The following EEFSEC variants were observed in gnomAD, a reference collection of about 807,000 sequenced individuals.
EEFSEC encodes the protein eukaryotic elongation factor, selenocysteine-tRNA specific.
EEFSEC carries 43 observed loss-of-function variants against 42.1 expected under a neutral mutation model. That is an observed-to-expected ratio of 1.02 (90% CI 0.80 to 1.32). EEFSEC has a LOEUF of 1.32. Ranked by LOEUF, EEFSEC falls within the 40% of genes most tolerant of loss-of-function variation. The probability of loss-of-function intolerance (pLI) is 0.00; values close to 1 mark genes in which losing one functional copy is unlikely to be tolerated. For missense variants in EEFSEC, 745 were observed against 803.6 expected (o/e 0.93, Z 0.88); for synonymous variants, 354 against 339.1 (o/e 1.04, Z -0.48).
At chr3:128,216,480 G>GGTGGC (rs1281439429) in intron 1 of EEFSEC, among the ~76,000 whole-genome samples, 1 of 151,630 alleles carries the variant, frequency 6.6e-6, no homozygotes, top group Non-Finnish European at 1.5e-5. Flanking sequence ...AGTTGGAGCA[G>GGTGGC]GTGGCTCTCC....
chr3:128,237,169 G>C (rs2066021589), intron 1 of EEFSEC, among the ~76,000 whole-genome samples: 2 of 152,172 alleles, frequency 1.3e-5, no homozygotes, highest in Admixed American at 1.3e-4. Context: ...TTTGTATGTA[G>C]TATGCATTTT....
chr3:128,408,621 A>C lies in EEFSEC; in HGVS notation c.*362A>C. 6.2e-5 allele frequency: 12 copies of C among 192,450 alleles called. No individual in the cohort carries two copies. Among genetic ancestry groups the C allele is most frequent in the East Asian group, 2.4e-4 (2 of 8,280 alleles). The allele number at this position is 192,450 out of a possible 1,614,324, so 11.9% of individuals were successfully genotyped here. A position where few individuals can be genotyped will look rare whatever the true frequency, so the allele number is the denominator to read the frequency against. On this transcript the variant is annotated 3_prime_UTR_variant, in exon 7 of 7. Coordinates refer to ENST00000254730, the MANE Select transcript of EEFSEC (RefSeq NM_021937.5). ...GCAGGCACTTGATGGCTACAAATAA[A>C]TGTCCCGTGGCCCCAGCCCACTCTA...
chr3:128,159,280 CT>C (rs1449922909), intron 1 of EEFSEC, among the ~76,000 whole-genome samples: 1 of 152,208 alleles, frequency 6.6e-6, no homozygotes, highest in African/African-American at 2.4e-5. Flanking sequence ...TGGAACCTAA[CT>C]CCGCCACCCC....
chr3:128,374,149 G>C (rs1467132352), intron 6 of EEFSEC, among the ~76,000 whole-genome samples: 3 of 152,236 alleles, frequency 2.0e-5, no homozygotes, highest in Non-Finnish European at 4.4e-5. Flanking sequence ...TGCCCACCCA[G>C]GGTCCAGCAC....
chr3:128,409,908 C>T (rs1163399773), downstream of EEFSEC, among the ~76,000 whole-genome samples: 2 of 152,240 alleles, frequency 1.3e-5, no homozygotes, highest in African/African-American at 4.8e-5. Context: ...TGCCACTTCA[C>T]TGAGGCCACT....
intron 1 of EEFSEC, among the ~76,000 whole-genome samples, chr3:128,202,610 G>T (rs1187018569): frequency 6.6e-6 from 1 of 152,036 alleles, no homozygotes; most frequent in East Asian, 1.9e-4. Flanking sequence ...TTACTTCTTT[G>T]TTTCTACTCT....
chr3:128,250,109 T>C (rs2066169137), intron 2 of EEFSEC, among the ~76,000 whole-genome samples: 1 of 152,186 alleles, frequency 6.6e-6, no homozygotes, highest in Non-Finnish European at 1.5e-5. Context: ...TTTCTGTTGT[T>C]GTTGTTGTTG....
At chr3:128,191,438 C>A (rs1363863410) in intron 1 of EEFSEC, among the ~76,000 whole-genome samples, 4 of 151,984 alleles carry the variant, frequency 2.6e-5, no homozygotes, top group Admixed American at 1.3e-4. Context: ...GCTCACTGTG[C>A]CTGGCCTGGG....
intron 1 of EEFSEC, among the ~76,000 whole-genome samples, chr3:128,161,264 T>C (rs1207661029): frequency 6.6e-6 from 1 of 152,186 alleles, no homozygotes; most frequent in Non-Finnish European, 1.5e-5. Context: ...TAATGTATGT[T>C]TTAAAGACTT....
At chr3:128,195,421 T>G (rs1462898125) in intron 1 of EEFSEC, among the ~76,000 whole-genome samples, 1 of 152,202 alleles carries the variant, frequency 6.6e-6, no homozygotes, top group Non-Finnish European at 1.5e-5. Flanking sequence ...TCATTATTCT[T>G]TTGTCTCATA....
At chr3:128,417,568 G>A in the EEFSEC span, among the ~76,000 whole-genome samples, 1 of 152,248 alleles carries the variant, frequency 6.6e-6, no homozygotes, top group African/African-American at 2.4e-5. The surrounding 1 kb of genome is among the most constrained non-coding windows in gnomAD (Gnocchi z 4.3). Context: ...TTTACTGCCA[G>A]TGTTCCCATG....
intron 1 of EEFSEC, among the ~76,000 whole-genome samples, chr3:128,241,043 A>C (rs2066064969): frequency 6.6e-6 from 1 of 152,110 alleles, no homozygotes; most frequent in Admixed American, 6.5e-5. Context: ...TGTACAGAGC[A>C]ATTGTTTTAT....
chr3:128,184,416 T>C (rs1001815136), intron 1 of EEFSEC, among the ~76,000 whole-genome samples: 7 of 152,228 alleles, frequency 4.6e-5, no homozygotes, highest in African/African-American at 1.7e-4. Flanking sequence ...AGTGGAATCA[T>C]ACAGTATTTG....
chr3:128,351,762 G>A (rs1005724136), intron 5 of EEFSEC, among the ~76,000 whole-genome samples: 3 of 152,214 alleles, frequency 2.0e-5, no homozygotes, highest in African/African-American at 4.8e-5. Flanking sequence ...GTAAGCAAGC[G>A]CCTGGACTTC....
At chr3:128,197,492 C>T (rs946897975) in intron 1 of EEFSEC, among the ~76,000 whole-genome samples, 2 of 152,132 alleles carry the variant, frequency 1.3e-5, no homozygotes, top group Non-Finnish European at 2.9e-5. Flanking sequence ...AGGCTGATTT[C>T]GAACTCCTGA....
rs376949682 is a variant in EEFSEC, at chr3:128,365,376, C to T, written c.1600+7003C>T. On this transcript the variant is annotated intron_variant, in intron 6 of 6. Transcript: ENST00000254730. ...TAGTTACCTGGAGGGTCTCCTGGGG[C>T]ATCCCAGGCTCCCTTCTGATTGGGA... Among the ~76,000 whole-genome samples, 6 of 152,328 alleles carry T rather than the reference C, an allele frequency of 3.9e-5. No individual in the cohort carries two copies. The East Asian group carries it at 7.7e-4, about 20-fold the overall frequency.
At chr3:128,321,872 A>G (rs796118963) in intron 4 of EEFSEC, among the ~76,000 whole-genome samples, 8 of 152,272 alleles carry the variant, frequency 5.3e-5, no homozygotes, top group African/African-American at 1.9e-4. Flanking sequence ...AGCCTCTGTG[A>G]GAAGACAGCA....
intron 1 of EEFSEC, among the ~76,000 whole-genome samples, chr3:128,243,329 A>G (rs1417415579): frequency 1.3e-5 from 2 of 152,174 alleles, no homozygotes; most frequent in African/African-American, 2.4e-5. Context: ...GGGTCTGTCA[A>G]TCAGTTTCAT....
At chr3:128,420,617 G>A in the EEFSEC span, among the ~76,000 whole-genome samples, 2 of 152,238 alleles carry the variant, frequency 1.3e-5, no homozygotes, top group Admixed American at 1.3e-4. Flanking sequence ...TTTCCTTGCA[G>A]GCCTCATCAG....
Sources: allele counts gnomAD v4.1 joint callset (sites outside exome capture counted in the v4.1 genomes callset), GRCh38; gene constraint gnomAD v4.1.1; non-coding constraint Gnocchi (gnomAD v3.1); transcripts MANE v1.5; gene names NCBI Gene and HGNC (gene_info 2026-07-23, HGNC 2026-07-21).